Variants in BBS9 observed in about 807,000 individuals in gnomAD.
BBS9 encodes Bardet-Biedl syndrome 9.
In BBS9, 89 loss-of-function variants were observed where a neutral mutation model predicts 117.7. That is an observed-to-expected ratio of 0.76 (90% CI 0.64 to 0.90). The LOEUF (loss-of-function observed/expected upper bound fraction) is 0.90, where lower values mean the gene tolerates loss of function less well. BBS9 is among the 40% of genes least tolerant of loss of function. The pLI, the probability that BBS9 is intolerant of heterozygous loss-of-function variation, is 0.00. For missense variants in BBS9, 982 were observed against 1,042.2 expected (o/e 0.94, Z 0.80); for synonymous variants, 379 against 370.9 (o/e 1.02, Z -0.25).
At chr7:33,270,022 A>C (rs1297001565) in intron 7 of BBS9, among the ~76,000 whole-genome samples, 1 of 12,184 alleles carries the variant, frequency 8.2e-5, no homozygotes, top group African/African-American at 5.7e-4. Context: ...ACTCTGTCTC[A>C]AAAAAAAAAA....
intron 9 of BBS9, among the ~76,000 whole-genome samples, chr7:33,300,541 G>C (rs1806173379): frequency 2.7e-5 from 4 of 150,624 alleles, no homozygotes; most frequent in Admixed American, 2.6e-4. Context: ...GTAGACCAAG[G>C]CTCTTTCCTT....
At chr7:33,264,918 T>C (rs1223080090) in intron 7 of BBS9, among the ~76,000 whole-genome samples, 1 of 152,170 alleles carries the variant, frequency 6.6e-6, no homozygotes, top group Non-Finnish European at 1.5e-5. Flanking sequence ...TGCGACCGAA[T>C]ATATAAGTAA....
intron 1 of BBS9, among the ~76,000 whole-genome samples, chr7:33,131,099 C>T (rs1789526026): frequency 6.6e-6 from 1 of 152,158 alleles, no homozygotes; most frequent in Non-Finnish European, 1.5e-5. Flanking sequence ...TGATTACTAT[C>T]AGTCTTTGTG....
chr7:33,215,117 G>A (rs936480476), intron 5 of BBS9, among the ~76,000 whole-genome samples: 4 of 152,198 alleles, frequency 2.6e-5, no homozygotes, highest in South Asian at 2.1e-4. Flanking sequence ...GTGTGAACCC[G>A]AGAGGCAGAG....
chr7:33,212,591 G>A (rs1315931189), intron 5 of BBS9, among the ~76,000 whole-genome samples: 1 of 152,092 alleles, frequency 6.6e-6, no homozygotes, highest in Non-Finnish European at 1.5e-5. Context: ...TGTTTTCCTG[G>A]ATGGTCTTAA....
downstream of BBS9, among the ~76,000 whole-genome samples, chr7:33,609,041 G>A (rs1351618091): frequency 2.6e-5 from 4 of 152,170 alleles, no homozygotes; most frequent in Admixed American, 2.6e-4. Context: ...TGTATATAAT[G>A]ACAGATAGGG....
chr7:33,621,319 A>G (rs556511835), intron 21 of BBS9, among the ~76,000 whole-genome samples: 3 of 152,354 alleles, frequency 2.0e-5, no homozygotes, highest in South Asian at 2.1e-4. Flanking sequence ...TCCAAAATAC[A>G]TAAGGGACAC....
chr7:33,344,236 C>T (rs182360369), intron 11 of BBS9, among the ~76,000 whole-genome samples: 9 of 151,630 alleles, frequency 5.9e-5, no homozygotes, highest in Admixed American at 2.0e-4. Context: ...CGCCCGCCAC[C>T]GGGCCCGGCT....
chr7:33,322,530 G>T (rs1811953829), intron 9 of BBS9, among the ~76,000 whole-genome samples: 1 of 151,690 alleles, frequency 6.6e-6, no homozygotes, highest in South Asian at 2.1e-4. Flanking sequence ...TTGGCATATA[G>T]TTGCTCATAG....
intron 4 of BBS9, among the ~76,000 whole-genome samples, chr7:33,172,265 C>T (rs138868362): frequency 0.018 from 2,687 of 152,110 alleles, 96 homozygotes; most frequent in African/African-American, 0.062. Context: ...CCTGTAGTCC[C>T]AGCTACTCGG....
intron 5 of BBS9, among the ~76,000 whole-genome samples, chr7:33,255,355 T>TC (rs1288112087): frequency 2.6e-5 from 4 of 151,410 alleles, no homozygotes; most frequent in Non-Finnish European, 5.9e-5. Flanking sequence ...ATCTTTTTTT[T>TC]TTTTTTTTGC....
intron 18 of BBS9, among the ~76,000 whole-genome samples, chr7:33,386,560 G>A (rs1329875927): frequency 9.2e-5 from 14 of 151,548 alleles, no homozygotes; most frequent in African/African-American, 2.7e-4. Flanking sequence ...GCACGATCTC[G>A]GCTCACTGCA....
At chr7:33,386,508 T>A (rs1257141320) in intron 18 of BBS9, among the ~76,000 whole-genome samples, 1 of 137,700 alleles carries the variant, frequency 7.3e-6, no homozygotes, top group Non-Finnish European at 1.6e-5. Flanking sequence ...TTATTTATTT[T>A]GAGACGGGGT....
At chr7:33,517,491 G>A (rs1847969273) in intron 20 of BBS9, among the ~76,000 whole-genome samples, 1 of 152,238 alleles carries the variant, frequency 6.6e-6, no homozygotes, top group South Asian at 2.1e-4. Flanking sequence ...TGCAGGGTAA[G>A]TGTGAGAGTT....
intron 5 of BBS9, among the ~76,000 whole-genome samples, chr7:33,209,486 G>A (rs1273115455): frequency 6.6e-6 from 1 of 152,104 alleles, no homozygotes; most frequent in East Asian, 1.9e-4. Context: ...GGGTCATATG[G>A]TAGCTCTATT....
At chr7:33,315,624 A>G (rs1055326385) in intron 9 of BBS9, among the ~76,000 whole-genome samples, 9 of 152,138 alleles carry the variant, frequency 5.9e-5, no homozygotes, top group African/African-American at 1.9e-4. Flanking sequence ...GGGAGGATGA[A>G]GGGGAGGGTT....
intron 4 of BBS9, among the ~76,000 whole-genome samples, chr7:33,169,298 T>G (rs1796159720): frequency 1.3e-5 from 2 of 150,280 alleles, no homozygotes; most frequent in Admixed American, 6.6e-5. Context: ...TATAGCAGCA[T>G]GACTTAGAGT....
At chr7:33,408,681 C>T (rs115584580) in intron 19 of BBS9, among the ~76,000 whole-genome samples, 318 of 152,278 alleles carry the variant, frequency 2.1e-3, no homozygotes, top group African/African-American at 7.4e-3. Context: ...CATATGGGTG[C>T]ATGTCTTTTT....
chr7:33,359,857 A>T (rs1038421299), intron 16 of BBS9, among the ~76,000 whole-genome samples: 1 of 152,132 alleles, frequency 6.6e-6, no homozygotes. Flanking sequence ...TTTTCTTATT[A>T]CAAAAGAAAT....
Sources: gnomAD v4.1 joint callset for allele counts (sites outside exome capture counted in the v4.1 genomes callset) on GRCh38, gnomAD v4.1.1 for gene constraint, MANE v1.5 for transcripts, NCBI Gene and HGNC (gene_info 2026-07-23, HGNC 2026-07-21) for gene names.